Variants in CELF4 observed in about 807,000 individuals in gnomAD.
CELF4 encodes CUG-BP- and ETR-3-like factor 4.
In CELF4, 18 loss-of-function variants were observed where a neutral mutation model predicts 59.9. That is an observed-to-expected ratio of 0.30 (90% CI 0.21 to 0.45). CELF4 has a LOEUF of 0.45. Among genes scored for constraint, CELF4 ranks in the 20% least tolerant of loss-of-function variants. The pLI, the probability that CELF4 is intolerant of heterozygous loss-of-function variation, is 1.00. For synonymous variants in CELF4, 261 were observed against 267.1 expected (o/e 0.98, Z 0.22); for missense variants, 456 against 689.0 (o/e 0.66, Z 3.79).
intron 2 of CELF4, among the ~76,000 whole-genome samples, chr18:37,366,006 C>T (rs1603628913): frequency 6.6e-6 from 1 of 152,188 alleles, no homozygotes; most frequent in East Asian, 1.9e-4. Context: ...TAGAGGGAGG[C>T]AGGCTTTAGG....
At chr18:37,513,957 T>C (rs1325456768) in intron 1 of CELF4, among the ~76,000 whole-genome samples, 1 of 136,742 alleles carries the variant, frequency 7.3e-6, no homozygotes, top group Non-Finnish European at 1.5e-5. Context: ...TGTGTGTGTG[T>C]GTGTGTGTGT....
chr18:37,361,886 C>T (rs557084754), intron 2 of CELF4, among the ~76,000 whole-genome samples: 244 of 152,110 alleles, frequency 1.6e-3, no homozygotes, highest in African/African-American at 5.4e-3. Context: ...TCCTTCCCAG[C>T]GCTTGAGAGC....
intron 2 of CELF4, among the ~76,000 whole-genome samples, chr18:37,433,978 G>C (rs946009401): frequency 1.2e-4 from 18 of 152,136 alleles, no homozygotes; most frequent in African/African-American, 3.9e-4. Context: ...AGGCCTGTGT[G>C]GCAGAAGTTT....
At chr18:37,415,764 G>T (rs1294309433) in intron 2 of CELF4, among the ~76,000 whole-genome samples, 1 of 152,182 alleles carries the variant, frequency 6.6e-6, no homozygotes, top group African/African-American at 2.4e-5. Flanking sequence ...AGCTAAACTA[G>T]CAGTAGTTGG....
At chr18:37,519,170 TC>T (rs1421984095) in intron 1 of CELF4, among the ~76,000 whole-genome samples, 6 of 152,148 alleles carry the variant, frequency 3.9e-5, no homozygotes, top group African/African-American at 1.4e-4. Flanking sequence ...TTTCATTTCT[TC>T]CTGGATACTC....
chr18:37,432,994 A>G (rs957448456), intron 2 of CELF4, among the ~76,000 whole-genome samples: 3 of 152,202 alleles, frequency 2.0e-5, no homozygotes, highest in Non-Finnish European at 4.4e-5. Context: ...GGTATGCGCA[A>G]CACAGGAATC....
chr18:37,444,592 T>C (rs2154601327), intron 2 of CELF4, among the ~76,000 whole-genome samples: 1 of 143,328 alleles, frequency 7.0e-6, no homozygotes, highest in Non-Finnish European at 1.5e-5. Context: ...AGAAACATGC[T>C]CTCTCTCTCT....
At chr18:37,457,636 G>A (rs1324218878) in intron 2 of CELF4, among the ~76,000 whole-genome samples, 1 of 152,116 alleles carries the variant, frequency 6.6e-6, no homozygotes, top group Non-Finnish European at 1.5e-5. Context: ...AGCTCAGCCT[G>A]GGAGAAGACC....
chr18:37,485,248 G>T (rs1235227043), intron 2 of CELF4, among the ~76,000 whole-genome samples: 1 of 151,812 alleles, frequency 6.6e-6, no homozygotes, highest in Non-Finnish European at 1.5e-5. Flanking sequence ...GGCGGAGGCA[G>T]CTCCCGCTCC....
intron 2 of CELF4, among the ~76,000 whole-genome samples, chr18:37,399,326 C>A (rs1285998842): frequency 6.6e-6 from 1 of 151,920 alleles, no homozygotes; most frequent in Non-Finnish European, 1.5e-5. Flanking sequence ...ATGAGTTTGC[C>A]CCCCTTTTTT....
At chr18:37,527,562 A>G (rs1033898931) in intron 1 of CELF4, among the ~76,000 whole-genome samples, 2 of 152,220 alleles carry the variant, frequency 1.3e-5, no homozygotes, top group East Asian at 3.9e-4. Context: ...GCTGATCCTC[A>G]TTGAACCGGA....
chr18:37,521,978 C>T (rs113399188), intron 1 of CELF4, among the ~76,000 whole-genome samples: 2,487 of 152,322 alleles, frequency 0.016, 37 homozygotes, highest in Non-Finnish European at 0.026. Flanking sequence ...AGCGGGTTAC[C>T]GTCACTCAGC....
At chr18:37,372,878 CTGCCTTAGCA>C (rs1454824950) in intron 2 of CELF4, among the ~76,000 whole-genome samples, 1 of 151,850 alleles carries the variant, frequency 6.6e-6, no homozygotes, top group Non-Finnish European at 1.5e-5. Context: ...GGGCAGGGTC[CTGCCTTAGCA>C]TGTGAATTAG....
chr18:37,473,218 A>G (rs946312440), intron 2 of CELF4: 2 of 152,140 alleles, frequency 1.3e-5, no homozygotes, highest in African/African-American at 4.8e-5. Flanking sequence ...CCCCTACCTC[A>G]CCCCACACCC....
At chr18:37,371,555 C>T (rs1448580421) in intron 2 of CELF4, among the ~76,000 whole-genome samples, 1 of 152,242 alleles carries the variant, frequency 6.6e-6, no homozygotes, top group Non-Finnish European at 1.5e-5. Flanking sequence ...AAGAGTGGGG[C>T]TTCTCATGAT....
chr18:37,477,114 G>A (rs987948988), intron 2 of CELF4, among the ~76,000 whole-genome samples: 1 of 152,332 alleles, frequency 6.6e-6, no homozygotes, highest in East Asian at 1.9e-4. Context: ...CTCAGCAGAT[G>A]GGGAGCTGCC....
At chr18:37,555,665 G>A (rs1326160143) in intron 1 of CELF4, among the ~76,000 whole-genome samples, 1 of 152,278 alleles carries the variant, frequency 6.6e-6, no homozygotes, top group Admixed American at 6.5e-5. Context: ...ATTAATAATG[G>A]ATATCTATAC....
At chr18:37,508,660 T>C (rs187125146) in intron 1 of CELF4, among the ~76,000 whole-genome samples, 33 of 152,336 alleles carry the variant, frequency 2.2e-4, no homozygotes, top group Admixed American at 5.9e-4. Flanking sequence ...CACATCTCTG[T>C]GTGTGCTGCT....
At chr18:37,410,018 T>C (rs2099425989) in intron 2 of CELF4, among the ~76,000 whole-genome samples, 1 of 152,106 alleles carries the variant, frequency 6.6e-6, no homozygotes, top group Non-Finnish European at 1.5e-5. Flanking sequence ...GAAAGGCCAA[T>C]GAGAATGATG....
Sources: allele counts gnomAD v4.1 joint callset (sites outside exome capture counted in the v4.1 genomes callset), GRCh38; gene constraint gnomAD v4.1.1; transcripts MANE v1.5; gene names NCBI Gene and HGNC (gene_info 2026-07-23, HGNC 2026-07-21).